MACC1: variants seen among roughly 807,000 people sequenced by gnomAD.
MACC1 encodes metastasis-associated in colon cancer protein 1.
In MACC1, 79 loss-of-function variants were observed where a neutral mutation model predicts 70.7. The ratio of observed to expected loss-of-function variants is 1.12; its 90% CI spans 0.93 to 1.35. The LOEUF (loss-of-function observed/expected upper bound fraction) is 1.35, where lower values mean the gene tolerates loss of function less well. MACC1 is among the 40% of genes most tolerant of loss of function. The probability of loss-of-function intolerance (pLI) is 0.00; values close to 1 mark genes in which losing one functional copy is unlikely to be tolerated. For synonymous variants in MACC1, 361 were observed against 347.2 expected, an observed-to-expected ratio of 1.04 and a Z score of -0.44; for missense variants, 1,106 against 978.1, an observed-to-expected ratio of 1.13 and a Z score of -1.74.
At position 20,140,864 on chromosome 7, in the gene MACC1, GACAC is replaced by G. The variant is rs1781788762; in HGVS notation, c.*78_*81del. 8 of 876,768 alleles carry G rather than the reference GACAC, an allele frequency of 9.1e-6. No individual in the cohort carries two copies. Among genetic ancestry groups the G allele is most frequent in the South Asian group, 1.7e-5 (1 of 59,682 alleles). 54.3% of individuals were successfully genotyped at this position (876,768 alleles called of 1,614,324 possible). ...AGACACACACACACAGACACACAGA[GACAC>G]ACACAGACACACACAGACACACACA... On this transcript the variant is annotated 3_prime_UTR_variant, in exon 7 of 7. Coordinates refer to ENST00000400331, the MANE Select transcript of MACC1 (RefSeq NM_182762.4).
intron 1 of MACC1, chr7:20,184,966 G>C (rs1027321550): frequency 6.6e-6 from 1 of 152,238 alleles, no homozygotes; most frequent in East Asian, 1.9e-4. Context: ...TTAGAGACGA[G>C]AATATTCTCA....
intron 1 of MACC1, among the ~76,000 whole-genome samples, chr7:20,206,574 T>A (rs930969687): frequency 6.6e-6 from 1 of 152,196 alleles, no homozygotes; most frequent in Non-Finnish European, 1.5e-5. Flanking sequence ...CACCCTAATC[T>A]TATGCTGCAG....
At chr7:20,174,261 G>A (rs1583396527) in intron 1 of MACC1, among the ~76,000 whole-genome samples, 2 of 152,288 alleles carry the variant, frequency 1.3e-5, no homozygotes, top group African/African-American at 2.4e-5. Context: ...TGTAAGAATC[G>A]TGTTGGGAAG....
chr7:20,149,820 T>C (rs567681820), intron 6 of MACC1, among the ~76,000 whole-genome samples: 2 of 152,208 alleles, frequency 1.3e-5, no homozygotes, highest in Admixed American at 6.5e-5. Flanking sequence ...TAATTACTCC[T>C]CACCACTTTG....
intron 1 of MACC1, among the ~76,000 whole-genome samples, chr7:20,184,025 A>G (rs192605554): frequency 6.6e-6 from 1 of 152,236 alleles, no homozygotes; most frequent in East Asian, 1.9e-4. Context: ...CTAACTTTTA[A>G]GGATTATTCC....
At chr7:20,172,433 G>C (rs952195369) in intron 1 of MACC1, among the ~76,000 whole-genome samples, 1 of 152,038 alleles carries the variant, frequency 6.6e-6, no homozygotes, top group Non-Finnish European at 1.5e-5. Context: ...GATTTTTAAA[G>C]TATTTTAAAC....
chr7:20,203,181 T>G (rs1562601992), intron 1 of MACC1, among the ~76,000 whole-genome samples: 1 of 152,142 alleles, frequency 6.6e-6, no homozygotes, highest in East Asian at 1.9e-4. Context: ...GCAGTATTAT[T>G]TGTAAATTTT....
chr7:20,175,365 T>C (rs1782375430), intron 1 of MACC1, among the ~76,000 whole-genome samples: 2 of 152,250 alleles, frequency 1.3e-5, no homozygotes, highest in South Asian at 4.1e-4. Context: ...ATTTAATCAA[T>C]GTTTTGGTTT....
chr7:20,172,958 T>C (rs369295822), intron 1 of MACC1, among the ~76,000 whole-genome samples: 2 of 152,334 alleles, frequency 1.3e-5, no homozygotes, highest in East Asian at 1.9e-4. Context: ...GGGGTCTTCC[T>C]GGACTGCTGT....
intron 1 of MACC1, among the ~76,000 whole-genome samples, chr7:20,173,997 A>G (rs760248990): frequency 6.6e-6 from 1 of 152,178 alleles, no homozygotes; most frequent in Non-Finnish European, 1.5e-5. Flanking sequence ...GGTTTCAAAG[A>G]AGTAGGTAAG....
intron 3 of MACC1, among the ~76,000 whole-genome samples, chr7:20,163,542 A>G (rs1021462249): frequency 1.9e-4 from 29 of 152,242 alleles, no homozygotes; most frequent in African/African-American, 6.8e-4. Context: ...TAAGTGGATA[A>G]ATAAATTGTG....
At chr7:20,191,682 C>T (rs888582210) in intron 1 of MACC1, among the ~76,000 whole-genome samples, 3 of 152,176 alleles carry the variant, frequency 2.0e-5, no homozygotes, top group Admixed American at 6.5e-5. Context: ...AAGTGAGTCA[C>T]GCTTTCTCTC....
At chr7:20,158,183 C>G (rs937584495) in intron 5 of MACC1, 21 bp downstream of exon 5, 2 of 1,532,370 alleles carry the variant, frequency 1.3e-6, no homozygotes, top group Non-Finnish European at 1.7e-6. Flanking sequence ...CAATTCATTA[C>G]CATGATCAAG....
At chr7:20,154,148 G>A (rs376108409) in intron 6 of MACC1, 45 bp downstream of exon 6, 3 of 1,595,386 alleles carry the variant, frequency 1.9e-6, no homozygotes, top group African/African-American at 2.7e-5. Context: ...AGTGTTACTT[G>A]GTCTGCAACT....
chr7:20,201,119 G>A (rs189450794), intron 1 of MACC1, among the ~76,000 whole-genome samples: 24 of 152,312 alleles, frequency 1.6e-4, no homozygotes, highest in Admixed American at 1.4e-3. Flanking sequence ...ATTGGTGAAT[G>A]AGAGCTGGTC....
chr7:20,205,082 A>ATT (rs150003920), intron 1 of MACC1, among the ~76,000 whole-genome samples: 1 of 150,034 alleles, frequency 6.7e-6, no homozygotes, highest in African/African-American at 2.4e-5. Context: ...TATTAATACA[A>ATT]TTTTTTTTTT....
At chr7:20,211,056 ATAGTGTC>A (rs1192510274) in intron 1 of MACC1, among the ~76,000 whole-genome samples, 1 of 152,172 alleles carries the variant, frequency 6.6e-6, no homozygotes, top group Admixed American at 6.5e-5. Context: ...TATTATTTAT[ATAGTGTC>A]TAGAGTCTAA....
intron 2 of MACC1, among the ~76,000 whole-genome samples, chr7:20,166,151 A>G (rs919648273): frequency 3.9e-5 from 6 of 152,202 alleles, no homozygotes; most frequent in African/African-American, 9.6e-5. Context: ...TAGTGCTTGA[A>G]TACCTGAAAC....
At chr7:20,215,415 A>G (rs920367575) in intron 1 of MACC1, among the ~76,000 whole-genome samples, 3 of 152,202 alleles carry the variant, frequency 2.0e-5, no homozygotes, top group Admixed American at 6.5e-5. Flanking sequence ...ACACTACACC[A>G]TAGACGGCAC....
Sources: gnomAD v4.1 joint callset for allele counts (sites outside exome capture counted in the v4.1 genomes callset) on GRCh38, gnomAD v4.1.1 for gene constraint, MANE v1.5 for transcripts, NCBI Gene and HGNC (gene_info 2026-07-23, HGNC 2026-07-21) for gene names.